The following NINJ2 variants were observed in gnomAD, a reference collection of about 807,000 sequenced individuals.
NINJ2 encodes the protein ninjurin 2.
In NINJ2, 12 loss-of-function variants were observed where a neutral mutation model predicts 11.7. That is an observed-to-expected ratio of 1.02 (90% CI 0.66 to 1.66). The LOEUF (loss-of-function observed/expected upper bound fraction) is 1.66. Among genes scored for constraint, NINJ2 ranks in the 40% most tolerant of loss-of-function variants. NINJ2 has a pLI of 0.00. For missense variants in NINJ2, 187 were observed against 181.8 expected, an observed-to-expected ratio of 1.03 and a Z score of -0.16; for synonymous variants, 93 against 76.8, an observed-to-expected ratio of 1.21 and a Z score of -1.10.
chr12:576,483 CTTAT>C (rs1947463224), intron 1 of NINJ2, among the ~76,000 whole-genome samples: 1 of 152,106 alleles, frequency 6.6e-6, no homozygotes, highest in East Asian at 1.9e-4. Context: ...TGCTTGCTTG[CTTAT>C]TTATTTTAGT....
At chr12:662,063 A>G (rs10744703) in intron 1 of NINJ2, among the ~76,000 whole-genome samples, 94,677 of 152,114 alleles carry the variant, frequency 0.62, 29,724 homozygotes, top group African/African-American at 0.66. Flanking sequence ...TGATAAAGAC[A>G]AATTGGGGAG....
At position 617,497 on chromosome 12, in the gene NINJ2, G is replaced by A. The variant is rs1029093252; in HGVS notation, c.33+45831C>T. 3.3e-5 allele frequency among the ~76,000 whole-genome samples: 5 copies of A among 152,306 alleles called. No individual in the cohort carries two copies. The South Asian group carries it at 6.2e-4, about 19-fold the overall frequency. On this transcript the variant is annotated intron_variant, in intron 1 of 3. Coordinates refer to ENST00000305108, the MANE Select transcript of NINJ2 (RefSeq NM_016533.6). Reference sequence around the variant, plus strand: ...ATGAGGCAAGTGTCCTGGCTGAAGCGCAGCAGTTCACATCCCCTTTCTTTC... The same window carrying A: ...ATGAGGCAAGTGTCCTGGCTGAAGCACAGCAGTTCACATCCCCTTTCTTTC...
chr12:642,805 C>T (rs1948437703), intron 1 of NINJ2: 1 of 151,820 alleles, frequency 6.6e-6, no homozygotes, highest in Non-Finnish European at 1.5e-5. Context: ...GGCCCAAAGC[C>T]GGGCCCCGAG....
intron 1 of NINJ2, among the ~76,000 whole-genome samples, chr12:602,416 A>G (rs1386429172): frequency 6.6e-6 from 1 of 152,212 alleles, no homozygotes; most frequent in African/African-American, 2.4e-5. Flanking sequence ...TTGTTCATTT[A>G]GCATAATGTT....
intron 1 of NINJ2, among the ~76,000 whole-genome samples, chr12:659,445 G>A (rs372313504): frequency 9.9e-5 from 15 of 152,152 alleles, no homozygotes; most frequent in African/African-American, 2.9e-4. Flanking sequence ...ACACTGGCTC[G>A]AAGGGGAAGA....
chr12:622,253 A>G (rs1286700864), intron 1 of NINJ2, among the ~76,000 whole-genome samples: 2 of 151,494 alleles, frequency 1.3e-5, no homozygotes, highest in Non-Finnish European at 2.9e-5. Flanking sequence ...ACTAAAAAAT[A>G]CAAAAAATTA....
chr12:660,110 C>A (rs1301883937), intron 1 of NINJ2, among the ~76,000 whole-genome samples: 1 of 148,336 alleles, frequency 6.7e-6, no homozygotes, highest in East Asian at 2.0e-4. Context: ...TACAGTGAGA[C>A]CCCAATCACT....
intron 1 of NINJ2, among the ~76,000 whole-genome samples, chr12:624,319 AATTT>A (rs919333184): frequency 6.6e-6 from 1 of 152,340 alleles, no homozygotes; most frequent in Admixed American, 6.5e-5. Flanking sequence ...TTTAAAAATC[AATTT>A]ATCCAATAGA....
intron 1 of NINJ2, among the ~76,000 whole-genome samples, chr12:650,969 C>T (rs1937777676): frequency 6.6e-6 from 1 of 152,160 alleles, no homozygotes; most frequent in Non-Finnish European, 1.5e-5. Flanking sequence ...CTGGGGCAGA[C>T]TCACAAGGGC....
At chr12:576,554 GC>G (rs1268958444) in intron 1 of NINJ2, among the ~76,000 whole-genome samples, 1 of 152,212 alleles carries the variant, frequency 6.6e-6, no homozygotes, top group East Asian at 1.9e-4. Context: ...CGGGGTGGTG[GC>G]CCCGTCATAG....
At chr12:662,115 G>A (rs73598168) in intron 1 of NINJ2, among the ~76,000 whole-genome samples, 3,561 of 152,316 alleles carry the variant, frequency 0.023, 95 homozygotes, top group African/African-American at 0.062. Flanking sequence ...GGGCTCCTGG[G>A]GGAAGTAACA....
intron 1 of NINJ2, among the ~76,000 whole-genome samples, chr12:649,520 T>C (rs1937753909): frequency 2.7e-5 from 2 of 72,890 alleles, no homozygotes; most frequent in Non-Finnish European, 3.0e-5. Flanking sequence ...AATATGTGTG[T>C]GTGTATATGT....
chr12:574,050 C>T (rs1303320441), intron 1 of NINJ2, among the ~76,000 whole-genome samples: 7 of 152,070 alleles, frequency 4.6e-5, no homozygotes, highest in African/African-American at 1.4e-4. Flanking sequence ...GATGAAACCC[C>T]GTCTCTACTA....
In NINJ2 at chr12:565,549, A is replaced by G. The variant is rs539291885; in HGVS notation, c.263-148T>C. ...GGGAGGTGGTCGTCATCGGGCTGAG[A>G]TGCCTCTGCCCTCGCCAACCAGTAC... On this transcript the variant is annotated intron_variant, in intron 2 of 3. Coordinates refer to ENST00000305108, the MANE Select transcript of NINJ2 (RefSeq NM_016533.6). The G allele has an allele frequency of 2.3e-4, 192 of 817,294 alleles. 6 individuals are homozygous for G. The South Asian group carries it at 3.0e-3, about 13-fold the overall frequency. The allele number at this position is 817,294 out of a possible 1,614,324, so 50.6% of individuals were successfully genotyped here. A position where few individuals can be genotyped will look rare whatever the true frequency, so the allele number is the denominator to read the frequency against.
Position 566,022 on chromosome 12 carries a change from T to C in NINJ2, c.190A>G (p.Thr64Ala), listed in dbSNP as rs767834022. ...AGGCTGATGAGGGTGACCAGGGTGG[T>C]GTAGTAGTGAGAGGATGGTCCCTGC... ...LEQGPSSHYY[T>A]TLVTLISLSL... Residue 64 changes from threonine (T) to alanine (A), a missense_variant, in exon 2 of 4, where the codon ACC (threonine) becomes GCC (alanine). By Grantham distance (58) the Thr-to-Ala change is moderately conservative. Coordinates refer to ENST00000305108, the MANE Select transcript of NINJ2 (RefSeq NM_016533.6). 4.3e-6 allele frequency: 7 copies of C among 1,613,796 alleles called. No homozygotes were observed. The highest frequency in any genetic ancestry group is 5.9e-6 in the Non-Finnish European group (7 of 1,179,934).
chr12:626,262 A>T (rs1473899666), intron 1 of NINJ2, among the ~76,000 whole-genome samples: 5 of 152,256 alleles, frequency 3.3e-5, no homozygotes, highest in African/African-American at 1.2e-4. Context: ...TGAGGGATTC[A>T]TAAGAAGCCC....
At chr12:637,971 G>C (rs1385302843) in intron 1 of NINJ2, among the ~76,000 whole-genome samples, 2 of 152,224 alleles carry the variant, frequency 1.3e-5, no homozygotes, top group East Asian at 3.8e-4. Flanking sequence ...TCTCATTCCA[G>C]CTCCTTCAGC....
At chr12:656,170 C>T (rs1162169577) in intron 1 of NINJ2, among the ~76,000 whole-genome samples, 2 of 151,774 alleles carry the variant, frequency 1.3e-5, no homozygotes, top group Non-Finnish European at 2.9e-5. Flanking sequence ...CGAGACCATC[C>T]TGGCCAACAT....
intron 1 of NINJ2, chr12:610,437 G>A (rs1592096222): frequency 6.5e-7 from 1 of 1,535,416 alleles, no homozygotes; most frequent in East Asian, 2.4e-5. Context: ...AAGTCTCAAC[G>A]GAAAATGAGG....
Sources: allele counts gnomAD v4.1 joint callset (sites outside exome capture counted in the v4.1 genomes callset), GRCh38; gene constraint gnomAD v4.1.1; transcripts MANE v1.5; gene names NCBI Gene and HGNC (gene_info 2026-07-23, HGNC 2026-07-21).